Variants in PDLIM3 observed in about 807,000 individuals in gnomAD.
The protein encoded by PDLIM3 is PDZ and LIM domain protein 3.
PDLIM3 carries 36 observed loss-of-function variants against 37.3 expected under a neutral mutation model. The ratio of observed to expected loss-of-function variants is 0.97; its 90% CI spans 0.74 to 1.28. The LOEUF is 1.28. Ranked by LOEUF, PDLIM3 falls within the 50% of genes most tolerant of loss-of-function variation. The probability of loss-of-function intolerance (pLI) is 0.00; values close to 1 mark genes in which losing one functional copy is unlikely to be tolerated. For synonymous variants in PDLIM3, 174 were observed against 182.4 expected (o/e 0.95, Z 0.37); for missense variants, 454 against 485.0 (o/e 0.94, Z 0.60).
In PDLIM3 at chr4:185,508,522, G is replaced by A. The variant is rs769851440; in HGVS notation, c.439C>T (p.Arg147Cys). Residue 147 changes from arginine (R) to cysteine (C), a missense_variant, in exon 5 of 8, where the codon CGC (arginine) becomes TGC (cysteine). By Grantham distance (180) the Arg-to-Cys change is radical. Transcript: ENST00000284767. ...GTACTGACAGAAGAAGGGGTGCTGC[G>A]TCCACTGCCACAGTCAATCCCGGAG... ...TPSGIDCGSGRSTPSSVSTVS... is the reference protein window; with the variant it reads ...TPSGIDCGSGCSTPSSVSTVS... 1.1e-5 allele frequency: 18 copies of A among 1,613,930 alleles called. No homozygotes were observed. Among genetic ancestry groups the A allele is most frequent in the Admixed American group, 3.3e-5 (2 of 59,986 alleles).
At chr4:185,533,977 A>G (rs2153340228) in intron 1 of PDLIM3, among the ~76,000 whole-genome samples, 1 of 152,340 alleles carries the variant, frequency 6.6e-6, no homozygotes, top group Admixed American at 6.5e-5. Flanking sequence ...TATAACGGAA[A>G]CTGTTTTTGT....
intron 4 of PDLIM3, among the ~76,000 whole-genome samples, chr4:185,509,878 C>T (rs545587602): frequency 2.0e-5 from 3 of 151,828 alleles, no homozygotes; most frequent in Admixed American, 1.3e-4. Flanking sequence ...ATGTTGCAGC[C>T]GGATTAGTCT....
At chr4:185,531,926 TAAAA>T (rs33963949) in intron 1 of PDLIM3, among the ~76,000 whole-genome samples, 1 of 105,914 alleles carries the variant, frequency 9.4e-6, no homozygotes, top group Non-Finnish European at 1.8e-5. Context: ...CTATCTCTAC[TAAAA>T]AAAAAAAAAA....
intron 7 of PDLIM3, among the ~76,000 whole-genome samples, chr4:185,503,676 G>A (rs928109803): frequency 7.2e-5 from 11 of 152,192 alleles, no homozygotes; most frequent in African/African-American, 4.8e-5. Context: ...TGCCGGGCAC[G>A]GTGGCTCACA....
intron 1 of PDLIM3, among the ~76,000 whole-genome samples, chr4:185,533,868 GAATTT>G (rs1036207105): frequency 3.9e-5 from 6 of 152,058 alleles, no homozygotes; most frequent in African/African-American, 1.4e-4. Context: ...ATTTTGGTTA[GAATTT>G]AATATAAATA....
At chr4:185,502,847 C>T (rs966609117) in intron 7 of PDLIM3, among the ~76,000 whole-genome samples, 2 of 152,110 alleles carry the variant, frequency 1.3e-5, no homozygotes, top group African/African-American at 2.4e-5. Flanking sequence ...CTGCTTTTGA[C>T]GGGGGTGGTT....
rs1388328817 is a variant in PDLIM3 at position 185,502,460 on chromosome 4, T to G, written c.929A>C (p.Asp310Ala). Reference sequence around the variant, plus strand: ...GAAGCACTCAGGGTGCCGGTACTTATCCCGCGCCTTCACCACAGCACCGCT... The same window carrying G: ...GAAGCACTCAGGGTGCCGGTACTTAGCCCGCGCCTTCACCACAGCACCGCT... ...GIVGAVVKAR[D>A]KYRHPECFVC... Residue 310 changes from aspartate to alanine, a missense_variant, in exon 8 of 8, where the codon GAT becomes GCT. Physicochemically the swap from Asp to Ala is moderately radical, Grantham distance 126. Transcript: ENST00000284767. 4 of 1,614,120 alleles carry G rather than the reference T, an allele frequency of 2.5e-6. No individual in the cohort carries two copies. Among genetic ancestry groups the G allele is most frequent in the African/African-American group, 1.3e-5 (1 of 75,024 alleles).
At chr4:185,532,374 T>A (rs1355917826) in intron 1 of PDLIM3, among the ~76,000 whole-genome samples, 1 of 152,148 alleles carries the variant, frequency 6.6e-6, no homozygotes, top group Non-Finnish European at 1.5e-5. Flanking sequence ...CAGTGGAACA[T>A]CTGGTACAGG....
intron 4 of PDLIM3, among the ~76,000 whole-genome samples, chr4:185,509,859 A>G (rs1175443533): frequency 1.3e-5 from 2 of 151,910 alleles, no homozygotes; most frequent in Non-Finnish European, 2.9e-5. Flanking sequence ...AACTTTCTCT[A>G]CTCCAGCAAT....
rs2095686309 is a variant in PDLIM3 at position 185,500,969 on chromosome 4, G to T, written c.*1325C>A. ...CAAGGTGGTGAGACAGAGGGTCTGAGGGTCCCCACCCTGCTGGTTCCCCAT... is the reference window on the plus strand; with the variant it reads ...CAAGGTGGTGAGACAGAGGGTCTGATGGTCCCCACCCTGCTGGTTCCCCAT... On this transcript the variant is annotated 3_prime_UTR_variant, in exon 8 of 8. Transcript: ENST00000284767. The T allele has an allele frequency of 6.6e-6, 1 of 152,382 alleles. No homozygotes were observed. Among genetic ancestry groups the T allele is most frequent in the South Asian group, 2.1e-4 (1 of 4,838 alleles). 9.4% of individuals were successfully genotyped at this position (152,382 alleles called of 1,614,324 possible).
At chr4:185,515,158 G>T in intron 3 of PDLIM3, 1 of 242,870 alleles carries the variant, frequency 4.1e-6, no homozygotes, top group South Asian at 1.6e-4. Context: ...CCTCTTATCT[G>T]CCCCTGACTT....
chr4:185,514,453 C>T lies in PDLIM3; in HGVS notation c.331-116G>A, dbSNP rs2095711592. 16 of 1,594,418 alleles carry T rather than the reference C, an allele frequency of 1.0e-5. No individual in the cohort carries two copies. In the South Asian group the frequency reaches 1.7e-4, roughly 17 times the overall value. On this transcript the variant is annotated intron_variant, in intron 3 of 7. Coordinates refer to ENST00000284767, the MANE Select transcript of PDLIM3 (RefSeq NM_014476.6). This position sits in a 1 kb window ranked among gnomAD's most constrained non-coding sequence, Gnocchi z 4.0. ...CATTTACCACCAACTACTGTCATAACTAAGAAAGGCGATGACGGGACCAGG... is the reference window on the plus strand; with the variant it reads ...CATTTACCACCAACTACTGTCATAATTAAGAAAGGCGATGACGGGACCAGG...
intron 3 of PDLIM3, among the ~76,000 whole-genome samples, chr4:185,521,736 T>C (rs2095723763): frequency 1.5e-5 from 1 of 66,002 alleles, no homozygotes; most frequent in African/African-American, 2.8e-5. Flanking sequence ...CTGAGAGTGA[T>C]GGCAGAACAC....
In PDLIM3 at chr4:185,504,543, C is replaced by G. The variant is rs199895839; in HGVS notation, c.837G>C (p.Thr279=). 5.0e-6 allele frequency: 8 copies of G among 1,614,168 alleles called. No individual in the cohort carries two copies. The Middle Eastern group carries it at 6.6e-4, about 133-fold the overall frequency. ...CCCCGCCTGAACCGCCATGGACTTT[C>G]GTCACCGGAGCTCTCACACTCCGCG... The part of the protein sequence containing the change: ...AGTRSVRAPV[T]KVHGGSGGAQ... Residue 279 remains threonine, a synonymous_variant, in exon 7 of 8, where the codon ACG becomes ACC. Coordinates refer to ENST00000284767, the MANE Select transcript of PDLIM3 (RefSeq NM_014476.6). The surrounding 1 kb of genome is among the most constrained non-coding windows in gnomAD (Gnocchi z 4.7).
intron 3 of PDLIM3, chr4:185,515,763 AATC>A (rs1393562291): frequency 6.6e-6 from 1 of 152,004 alleles, no homozygotes; most frequent in Non-Finnish European, 1.5e-5. Flanking sequence ...TTAACGTGGG[AATC>A]ATGTTTTCCA....
intron 2 of PDLIM3, 122 bp from the exon 3 acceptor site, chr4:185,523,568 AT>A (rs10641473): frequency 4.6e-5 from 23 of 497,090 alleles, no homozygotes; most frequent in Admixed American, 6.7e-5. Context: ...TGCAAAAACA[AT>A]TTTTTTTTTT....
intron 3 of PDLIM3, chr4:185,516,472 CAAAA>C (rs1233572699): frequency 6.6e-6 from 1 of 151,886 alleles, no homozygotes; most frequent in African/African-American, 2.4e-5. Context: ...CTGTCAAAAA[CAAAA>C]AGAAGAAAAA....
Position 185,514,860 on chromosome 4 carries a change from T to G in PDLIM3, c.331-523A>C, listed in dbSNP as rs1271206507. ...GCTGCAACAAAAGGCTGGGCCCTTC[T>G]GTTGTGCGCGGTACCAATGGGTTTG... is the stretch of plus-strand genomic sequence containing the variant. On this transcript the variant is annotated intron_variant, in intron 3 of 7. Coordinates refer to ENST00000284767, the MANE Select transcript of PDLIM3 (RefSeq NM_014476.6). The surrounding 1 kb of genome is among the most constrained non-coding windows in gnomAD (Gnocchi z 4.0). The G allele has an allele frequency of 1.4e-5, 21 of 1,551,644 alleles. No individual in the cohort carries two copies. Among genetic ancestry groups the G allele is most frequent in the Non-Finnish European group, 1.7e-5 (20 of 1,146,970 alleles).
chr4:185,518,144 T>A (rs908787509), intron 3 of PDLIM3, among the ~76,000 whole-genome samples: 3 of 152,230 alleles, frequency 2.0e-5, no homozygotes, highest in African/African-American at 7.2e-5. Context: ...AAAATTTTTA[T>A]TTTAAATGTT....
Sources: allele counts gnomAD v4.1 joint callset (sites outside exome capture counted in the v4.1 genomes callset), GRCh38; gene constraint gnomAD v4.1.1; non-coding constraint Gnocchi (gnomAD v3.1); transcripts MANE v1.5; gene names NCBI Gene and HGNC (gene_info 2026-07-23, HGNC 2026-07-21).